The following NPSR1 variants were observed in gnomAD, a reference collection of about 807,000 sequenced individuals.
NPSR1 encodes the protein neuropeptide S receptor 1, also known as neuropeptide S receptor.
A neutral mutation model predicts 46.9 loss-of-function variants in NPSR1; 48 were observed. That is an observed-to-expected ratio of 1.02 (90% CI 0.81 to 1.30). The LOEUF is 1.30. Among genes scored for constraint, NPSR1 ranks in the 50% most tolerant of loss-of-function variants. The probability of loss-of-function intolerance (pLI) is 0.00; values close to 1 mark genes in which losing one functional copy is unlikely to be tolerated. For synonymous variants in NPSR1, 176 were observed against 168.1 expected (o/e 1.05, Z -0.36); for missense variants, 450 against 449.5 (o/e 1.00, Z -0.01).
intron 3 of NPSR1, among the ~76,000 whole-genome samples, chr7:34,789,121 T>C (rs1276346644): frequency 6.6e-6 from 1 of 151,876 alleles, no homozygotes; most frequent in African/African-American, 2.4e-5. Context: ...AAACACATCA[T>C]AACAAAGCTT....
chr7:34,660,894 CG>C (rs1190603656), intron 1 of NPSR1, among the ~76,000 whole-genome samples: 1 of 152,122 alleles, frequency 6.6e-6, no homozygotes, highest in African/African-American at 2.4e-5. Flanking sequence ...ATTAGTGTCA[CG>C]GACTGTACCT....
chr7:34,802,595 C>T (rs1404520266), intron 3 of NPSR1, among the ~76,000 whole-genome samples: 1 of 150,412 alleles, frequency 6.6e-6, no homozygotes, highest in Non-Finnish European at 1.5e-5. Flanking sequence ...AATTGTTAGA[C>T]CTAAAACCAT....
chr7:34,779,560 A>T, intron 3 of NPSR1: 1 of 1,231,828 alleles, frequency 8.1e-7, no homozygotes, highest in Non-Finnish European at 1.1e-6. Context: ...TAATGAAGTT[A>T]TTCCATATTC....
At chr7:34,708,545 A>G (rs1397581447) in intron 2 of NPSR1, among the ~76,000 whole-genome samples, 1 of 152,178 alleles carries the variant, frequency 6.6e-6, no homozygotes, top group Non-Finnish European at 1.5e-5. Context: ...TGCAAATGCT[A>G]TGAGGGAAAA....
downstream of NPSR1, among the ~76,000 whole-genome samples, chr7:34,851,089 A>C (rs1200133041): frequency 6.6e-6 from 1 of 152,148 alleles, no homozygotes. Flanking sequence ...CGGCTCCGGT[A>C]TGCACGTGAA....
At position 34,811,809 on chromosome 7, in the gene NPSR1, C is replaced by G; in HGVS notation, c.424C>G (p.Leu142Val). Residue 142 changes from leucine to valine, a missense_variant, in exon 4 of 9, where the codon CTC becomes GTC. Physicochemically the swap from Leu to Val is conservative, Grantham distance 32 (BLOSUM62 1). Transcript: ENST00000360581. ...CGCCTCTACCTACGTCCTGGTGTCCCTCAGCATAGACAGATACCATGCCAT... is the reference window on the plus strand; with the variant it reads ...CGCCTCTACCTACGTCCTGGTGTCCGTCAGCATAGACAGATACCATGCCAT... ...LYASTYVLVS[L>V]SIDRYHAIVY... 2 of 1,613,306 alleles carry G rather than the reference C, an allele frequency of 1.2e-6. No individual in the cohort carries two copies. Among genetic ancestry groups the G allele is most frequent in the East Asian group, 4.5e-5 (2 of 44,824 alleles).
At chr7:34,756,694 TAA>T (rs1474081644) in intron 2 of NPSR1, among the ~76,000 whole-genome samples, 2 of 152,244 alleles carry the variant, frequency 1.3e-5, no homozygotes, top group Admixed American at 1.3e-4. Context: ...GTAAAATATG[TAA>T]AAGTTATTCT....
chr7:34,802,181 C>T (rs1401791765), intron 3 of NPSR1, among the ~76,000 whole-genome samples: 9 of 150,418 alleles, frequency 6.0e-5, no homozygotes, highest in Admixed American at 3.9e-4. Context: ...CATCAAGCTA[C>T]AAATGACTTT....
intron 5 of NPSR1, among the ~76,000 whole-genome samples, chr7:34,831,766 C>T (rs1435033093): frequency 6.6e-6 from 1 of 151,932 alleles, no homozygotes; most frequent in Non-Finnish European, 1.5e-5. Flanking sequence ...TTTCTTGCTA[C>T]CTAATTGATT....
intron 2 of NPSR1, among the ~76,000 whole-genome samples, chr7:34,767,300 A>C (rs1367338128): frequency 1.3e-5 from 2 of 152,240 alleles, no homozygotes; most frequent in Non-Finnish European, 2.9e-5. Flanking sequence ...AAATGATTTC[A>C]AAATAAACAC....
At chr7:34,731,893 A>G (rs1784433277) in intron 2 of NPSR1, among the ~76,000 whole-genome samples, 1 of 152,058 alleles carries the variant, frequency 6.6e-6, no homozygotes, top group African/African-American at 2.4e-5. Flanking sequence ...AAAATAAGCA[A>G]CACAAGGCCA....
intron 3 of NPSR1, among the ~76,000 whole-genome samples, chr7:34,790,832 TTA>T (rs1787743541): frequency 7.3e-6 from 1 of 136,486 alleles, no homozygotes; most frequent in African/African-American, 2.6e-5. Flanking sequence ...AGGTTATATG[TTA>T]TGTTATATAT....
intron 8 of NPSR1, among the ~76,000 whole-genome samples, chr7:34,876,737 G>T (rs1195810796): frequency 6.6e-6 from 1 of 152,198 alleles, no homozygotes; most frequent in East Asian, 1.9e-4. Context: ...GACCTAGGCT[G>T]ATATCTCTTG....
rs542034924 is a variant in NPSR1, at chr7:34,848,778, A to G, written c.1025+115A>G. 1.6e-5 allele frequency: 15 copies of G among 912,614 alleles called. No individual in the cohort carries two copies. In the East Asian group the frequency reaches 3.4e-4, roughly 21 times the overall value. The allele number at this position is 912,614 out of a possible 1,614,324, so 56.5% of individuals were successfully genotyped here. A position where few individuals can be genotyped will look rare whatever the true frequency, so the allele number is the denominator to read the frequency against. On this transcript the variant is annotated intron_variant, in intron 8 of 8. Transcript: ENST00000360581. ...CAGCAGGTTACAGGATCCCCCTTTT[A>G]TAGATGAGAGGCTTGAGAGTCAGAA...
intron 2 of NPSR1, among the ~76,000 whole-genome samples, chr7:34,762,064 G>A (rs982554484): frequency 1.3e-5 from 2 of 152,178 alleles, no homozygotes; most frequent in African/African-American, 2.4e-5. Context: ...AAGAGAGTAA[G>A]TTTTACGAGG....
At chr7:34,834,909 C>A (rs1790297097) in intron 6 of NPSR1, among the ~76,000 whole-genome samples, 1 of 152,220 alleles carries the variant, frequency 6.6e-6, no homozygotes, top group South Asian at 2.1e-4. Context: ...GGACCCTTAG[C>A]CAGTAAAGGC....
chr7:34,862,248 T>G (rs532330459), intron 8 of NPSR1, among the ~76,000 whole-genome samples: 1 of 151,590 alleles, frequency 6.6e-6, no homozygotes, highest in Non-Finnish European at 1.5e-5. Context: ...GGGGTGGCAG[T>G]GGGCAGTTCT....
intron 2 of NPSR1, among the ~76,000 whole-genome samples, chr7:34,768,080 G>A (rs1401476228): frequency 6.6e-6 from 1 of 152,090 alleles, no homozygotes; most frequent in Non-Finnish European, 1.5e-5. Flanking sequence ...ATAACTATAT[G>A]TACTGAGACA....
At chr7:34,790,751 ATGT>A (rs1787725599) in intron 3 of NPSR1, among the ~76,000 whole-genome samples, 2 of 128,276 alleles carry the variant, frequency 1.6e-5, no homozygotes, top group African/African-American at 5.5e-5. Context: ...TATATAATAT[ATGT>A]TATATGTTAT....
Sources: allele counts gnomAD v4.1 joint callset (sites outside exome capture counted in the v4.1 genomes callset), GRCh38; gene constraint gnomAD v4.1.1; transcripts MANE v1.5; gene names NCBI Gene and HGNC (gene_info 2026-07-23, HGNC 2026-07-21).